UHRF2: variants seen among roughly 807,000 people sequenced by gnomAD.
The protein encoded by UHRF2 is E3 ubiquitin-protein ligase UHRF2.
Under a neutral mutation model 96.8 loss-of-function variants are expected in UHRF2, and 23 were observed. The observed-to-expected ratio is 0.24, with a 90% CI of 0.17 to 0.34. UHRF2 has a LOEUF of 0.34. Among genes scored for constraint, UHRF2 ranks in the 10% least tolerant of loss-of-function variants. The probability of loss-of-function intolerance (pLI) is 1.00; values close to 1 mark genes in which losing one functional copy is unlikely to be tolerated. For missense variants in UHRF2, 685 were observed against 981.5 expected (o/e 0.70, Z 4.04); for synonymous variants, 385 against 332.6 (o/e 1.16, Z -1.72).
intron 3 of UHRF2, among the ~76,000 whole-genome samples, chr9:6,458,725 C>G (rs1822332170): frequency 6.6e-6 from 1 of 151,988 alleles, no homozygotes; most frequent in South Asian, 2.1e-4. Flanking sequence ...TGGTGTATAC[C>G]CAAAGGATTA....
chr9:6,465,086 T>C (rs148904576), intron 4 of UHRF2, among the ~76,000 whole-genome samples: 1 of 152,306 alleles, frequency 6.6e-6, no homozygotes, highest in East Asian at 1.9e-4. Context: ...TATTCACCAG[T>C]TGGGCCCTGA....
chr9:6,475,479 T>C lies in UHRF2; in HGVS notation c.952T>C (p.Phe318Leu), dbSNP rs1823511670. Residue 318 changes from phenylalanine to leucine, a missense_variant, in exon 5 of 16, where the codon TTT becomes CTT. Phe to Leu is a conservative substitution (Grantham distance 22, BLOSUM62 0). Around this residue, in one of 6 missense-constraint regions of UHRF2, gnomAD observed 391 missense variants for 437.0 expected, o/e 0.89. Coordinates refer to ENST00000276893, the MANE Select transcript of UHRF2 (RefSeq NM_152896.3). ...IERPGAHPLSFADGKFLRRND... is the reference protein window; with the variant it reads ...IERPGAHPLSLADGKFLRRND... ...GAGACCTGGAGCCCATCCCCTTTCA[T>C]TTGCAGATGGAAAGTTTTTAAGTAT... 6.3e-7 allele frequency: 1 copy of C among 1,591,648 alleles called. No individual in the cohort carries two copies.
chr9:6,439,269 C>G (rs1482500146), intron 3 of UHRF2, among the ~76,000 whole-genome samples: 4 of 152,182 alleles, frequency 2.6e-5, no homozygotes, highest in African/African-American at 7.2e-5. Context: ...ACTGCAACTT[C>G]TGTCTCCCGG....
intron 9 of UHRF2, among the ~76,000 whole-genome samples, chr9:6,487,646 C>T (rs1320317643): frequency 2.0e-5 from 3 of 152,158 alleles, no homozygotes; most frequent in East Asian, 3.9e-4. Flanking sequence ...GGATTACAGG[C>T]GTGAGCCACC....
In UHRF2 at chr9:6,419,068, C is replaced by T. The variant is rs1417933335; in HGVS notation, c.154-1844C>T. On this transcript the variant is annotated intron_variant, in intron 1 of 15. Coordinates refer to ENST00000276893, the MANE Select transcript of UHRF2 (RefSeq NM_152896.3). ...GGACACTAGCCATATTGGATTAGGG[C>T]CCTAATGACTTTGTTTTAACTTAAT... Among the ~76,000 whole-genome samples the T allele has an allele frequency of 3.3e-5, 5 of 152,214 alleles. No individual in the cohort carries two copies. The East Asian group carries it at 9.7e-4, about 29-fold the overall frequency.
At chr9:6,485,557 T>C (rs1824215607) in intron 8 of UHRF2, among the ~76,000 whole-genome samples, 1 of 151,702 alleles carries the variant, frequency 6.6e-6, no homozygotes, top group African/African-American at 2.4e-5. Flanking sequence ...TTCCAGGTTC[T>C]GTTGCTGTCA....
intron 8 of UHRF2, among the ~76,000 whole-genome samples, chr9:6,485,789 C>G (rs1824240847): frequency 1.4e-5 from 2 of 142,060 alleles, no homozygotes; most frequent in Middle Eastern, 3.6e-3. Flanking sequence ...CATGGTGAGA[C>G]CCCTGTCTCT....
intron 9 of UHRF2, among the ~76,000 whole-genome samples, chr9:6,491,880 T>C (rs1488210238): frequency 1.3e-5 from 2 of 152,190 alleles, no homozygotes; most frequent in African/African-American, 4.8e-5. Flanking sequence ...CTGATTATTT[T>C]TCCATAGGAA....
chr9:6,413,474 CCT>C lies in UHRF2; in HGVS notation c.-12_-11del. On this transcript the variant is annotated 5_prime_UTR_variant, in exon 1 of 16. Transcript: ENST00000276893. ...CAGGGGGAGACAAAGGGGACCGGTT[CCT>C]CTCTAGGCGCCAAGATGTGGATACA... 1 of 1,525,786 alleles carries C rather than the reference CCT, an allele frequency of 6.6e-7. No individual in the cohort carries two copies. The highest frequency in any genetic ancestry group is 8.8e-7 in the Non-Finnish European group (1 of 1,131,648). The allele number at this position is 1,525,786 out of a possible 1,614,324, so 94.5% of individuals were successfully genotyped here. A position where few individuals can be genotyped will look rare whatever the true frequency, so the allele number is the denominator to read the frequency against.
intron 3 of UHRF2, among the ~76,000 whole-genome samples, chr9:6,437,519 C>T (rs1820922940): frequency 6.6e-6 from 1 of 152,200 alleles, no homozygotes; most frequent in South Asian, 2.1e-4. Flanking sequence ...AGGTATGAGT[C>T]ACTGCACCTG....
At chr9:6,467,605 T>G (rs1482129943) in intron 4 of UHRF2, among the ~76,000 whole-genome samples, 5 of 150,772 alleles carry the variant, frequency 3.3e-5, no homozygotes, top group East Asian at 1.9e-4. Flanking sequence ...GTTTTTTTTT[T>G]TTTTTTTTTT....
intron 3 of UHRF2, among the ~76,000 whole-genome samples, chr9:6,434,893 T>C (rs971719880): frequency 6.6e-6 from 1 of 152,010 alleles, no homozygotes; most frequent in Non-Finnish European, 1.5e-5. Flanking sequence ...TACAGCAATG[T>C]GATCCTGGCT....
At chr9:6,444,854 G>A (rs939471917) in intron 3 of UHRF2, among the ~76,000 whole-genome samples, 2 of 152,026 alleles carry the variant, frequency 1.3e-5, no homozygotes, top group Admixed American at 6.6e-5. Context: ...GACCTGCCCC[G>A]GCCTCCCAAA....
At chr9:6,453,371 A>G (rs770873348) in intron 3 of UHRF2, among the ~76,000 whole-genome samples, 1 of 152,224 alleles carries the variant, frequency 6.6e-6, no homozygotes, top group African/African-American at 2.4e-5. Flanking sequence ...AAAAACATAC[A>G]GAATGATGAT....
intron 6 of UHRF2, among the ~76,000 whole-genome samples, chr9:6,480,768 A>AT (rs1823879775): frequency 6.6e-6 from 1 of 152,166 alleles, no homozygotes; most frequent in African/African-American, 2.4e-5. Context: ...ACTTCATAGT[A>AT]TTTAGTGCCT....
chr9:6,504,382 A>G (rs1193044851), intron 14 of UHRF2: 10 of 365,576 alleles, frequency 2.7e-5, no homozygotes, highest in Middle Eastern at 8.2e-4. Flanking sequence ...TAATAGATGG[A>G]TATATTTTGG....
At chr9:6,467,308 A>G (rs1048053141) in intron 4 of UHRF2, among the ~76,000 whole-genome samples, 8 of 151,988 alleles carry the variant, frequency 5.3e-5, no homozygotes, top group Non-Finnish European at 1.5e-5. Flanking sequence ...TCCCCTTCAT[A>G]TTCTCTCCTC....
At chr9:6,462,142 C>T (rs1563775966) in intron 4 of UHRF2, among the ~76,000 whole-genome samples, 1 of 152,080 alleles carries the variant, frequency 6.6e-6, no homozygotes, top group Non-Finnish European at 1.5e-5. Context: ...CACTAGCTGC[C>T]TATTTTTGTA....
chr9:6,421,164 T>TA (rs1279206047), intron 2 of UHRF2, 22 bp downstream of exon 2: 9 of 1,526,714 alleles, frequency 5.9e-6, no homozygotes, highest in Non-Finnish European at 7.2e-6. Context: ...TCTTCAGACT[T>TA]ACTGTTGTGA....
Sources: gnomAD v4.1 joint callset for allele counts (sites outside exome capture counted in the v4.1 genomes callset) on GRCh38, gnomAD v4.1.1 for gene constraint, gnomAD v4.1.1 regional missense constraint, MANE v1.5 for transcripts, NCBI Gene and HGNC (gene_info 2026-07-23, HGNC 2026-07-21) for gene names.